Variants in ST6GAL1 observed in about 807,000 individuals in gnomAD.
The protein encoded by ST6GAL1 is ST6 beta-galactoside alpha-2,6-sialyltransferase 1.
A neutral mutation model predicts 38.0 loss-of-function variants in ST6GAL1; 20 were observed. The observed-to-expected ratio is 0.53, with a 90% CI of 0.37 to 0.77. The LOEUF is 0.77. Ranked by LOEUF, ST6GAL1 falls within the 30% of genes least tolerant of loss-of-function variation. The probability of loss-of-function intolerance (pLI) is 0.00; values close to 1 mark genes in which losing one functional copy is unlikely to be tolerated. For missense variants in ST6GAL1, 432 were observed against 496.4 expected (o/e 0.87, Z 1.23); for synonymous variants, 196 against 188.2 (o/e 1.04, Z -0.34).
At chr3:186,967,335 G>GCA (rs1715175453) in intron 2 of ST6GAL1, among the ~76,000 whole-genome samples, 1 of 152,168 alleles carries the variant, frequency 6.6e-6, no homozygotes, top group Non-Finnish European at 1.5e-5. Flanking sequence ...GAGATTACAG[G>GCA]CGCCTGCCAC....
intron 2 of ST6GAL1, among the ~76,000 whole-genome samples, chr3:187,035,372 T>C (rs569493424): frequency 2.6e-5 from 4 of 152,332 alleles, no homozygotes; most frequent in Admixed American, 2.6e-4. Context: ...AAACTACCAA[T>C]GTCATTTTTC....
At chr3:187,058,174 G>T (rs941330588) in intron 5 of ST6GAL1, among the ~76,000 whole-genome samples, 8 of 152,162 alleles carry the variant, frequency 5.3e-5, no homozygotes, top group African/African-American at 1.9e-4. Flanking sequence ...GGGCGGGAGT[G>T]TCCCATTTTT....
At position 187,042,684 on chromosome 3, in the gene ST6GAL1, TC is replaced by T. The variant is rs770195115; in HGVS notation, c.-17del. 6.3e-7 allele frequency: 1 copy of T among 1,589,262 alleles called. No homozygotes were observed. The highest frequency in any genetic ancestry group is 1.4e-5 in the African/African-American group (1 of 73,994). On this transcript the variant is annotated 5_prime_UTR_variant, in exon 4 of 8. Transcript: ENST00000169298. ...TTTTCCTGCTCAGAACAAAGTGACT[TC>T]CCTGAACACATCTTCATTATGATTC... is the stretch of plus-strand genomic sequence containing the variant.
In ST6GAL1 at chr3:186,990,858, C is replaced by T. The variant is rs188703254; in HGVS notation, c.-183+26932C>T. 5.5e-3 allele frequency among the ~76,000 whole-genome samples: 842 copies of T among 152,018 alleles called. 7 individuals carry two copies. The highest frequency in any genetic ancestry group is 7.5e-3 in the Non-Finnish European group (512 of 67,972). On this transcript the variant is annotated intron_variant, in intron 2 of 7. Transcript: ENST00000169298. The stretch of plus-strand genomic sequence containing the variant: ...GATATAAACCAGCTTCTGGCATTAC[C>T]CAGGAGCAGCTGACCTAGATGCTTG...
At chr3:186,945,052 C>T (rs1183624583) in intron 1 of ST6GAL1, among the ~76,000 whole-genome samples, 2 of 152,166 alleles carry the variant, frequency 1.3e-5, no homozygotes, top group Non-Finnish European at 2.9e-5. Context: ...GGTGAGGTGG[C>T]TCATGCCTAA....
chr3:187,065,517 T>C (rs938125972), intron 5 of ST6GAL1, among the ~76,000 whole-genome samples: 1 of 152,070 alleles, frequency 6.6e-6, no homozygotes, highest in Non-Finnish European at 1.5e-5. Flanking sequence ...ACAGGAAAAA[T>C]GATATATGTA....
At chr3:186,948,290 G>C (rs1026726708) in intron 1 of ST6GAL1, among the ~76,000 whole-genome samples, 1 of 152,200 alleles carries the variant, frequency 6.6e-6, no homozygotes, top group Non-Finnish European at 1.5e-5. Context: ...GGAAGGATAG[G>C]GTTGTCAGGG....
chr3:186,941,263 G>C (rs571968830), intron 1 of ST6GAL1, among the ~76,000 whole-genome samples: 4 of 152,292 alleles, frequency 2.6e-5, no homozygotes, highest in Admixed American at 1.3e-4. Context: ...GGAGGAGAGA[G>C]AACTGAAGAA....
At chr3:187,074,394 T>C in intron 7 of ST6GAL1, 61 bp downstream of exon 7, 4 of 1,458,810 alleles carry the variant, frequency 2.7e-6, no homozygotes, top group East Asian at 2.5e-5. Context: ...GAGCTTTTTT[T>C]CTGGGGTCTC....
At chr3:187,065,820 C>A (rs138915500) in intron 5 of ST6GAL1, among the ~76,000 whole-genome samples, 1 of 152,238 alleles carries the variant, frequency 6.6e-6, no homozygotes, top group East Asian at 1.9e-4. Context: ...ATTATATATA[C>A]CATCTAAGGG....
chr3:186,991,809 A>C (rs1716178654), intron 2 of ST6GAL1, among the ~76,000 whole-genome samples: 1 of 152,120 alleles, frequency 6.6e-6, no homozygotes, highest in African/African-American at 2.4e-5. Flanking sequence ...GTGGGCAGGA[A>C]TAAGTTCCAC....
chr3:186,993,151 A>G (rs559012971), intron 2 of ST6GAL1, among the ~76,000 whole-genome samples: 32 of 152,246 alleles, frequency 2.1e-4, no homozygotes, highest in African/African-American at 7.7e-4. Context: ...CTTTGCAGGT[A>G]CTCGATAAAC....
chr3:187,059,299 C>T (rs770391252), intron 5 of ST6GAL1, among the ~76,000 whole-genome samples: 4 of 152,160 alleles, frequency 2.6e-5, no homozygotes, highest in Non-Finnish European at 5.9e-5. Context: ...GAGGCTGGAC[C>T]TTCATGGCTG....
chr3:187,072,313 C>T (rs1468005948), intron 5 of ST6GAL1: 1 of 159,754 alleles, frequency 6.3e-6, no homozygotes, highest in Non-Finnish European at 1.4e-5. Context: ...GGTGCTCAAC[C>T]ACAAGCACAG....
intron 2 of ST6GAL1, among the ~76,000 whole-genome samples, chr3:186,994,293 C>CAGCTT (rs1486997935): frequency 2.6e-5 from 4 of 152,166 alleles, no homozygotes; most frequent in African/African-American, 9.7e-5. Context: ...GTAGGGTGAG[C>CAGCTT]AGCTTGTTGG....
At chr3:187,019,526 A>G (rs1432249739) in intron 2 of ST6GAL1, among the ~76,000 whole-genome samples, 2 of 152,222 alleles carry the variant, frequency 1.3e-5, no homozygotes, top group Non-Finnish European at 2.9e-5. Flanking sequence ...CTCTCTGGAC[A>G]GTAATTTACA....
intron 2 of ST6GAL1, among the ~76,000 whole-genome samples, chr3:186,966,576 T>A (rs6778436): frequency 0.065 from 9,879 of 152,278 alleles, 689 homozygotes; most frequent in African/African-American, 0.18. Flanking sequence ...TATCATTCCA[T>A]CTCGGAAGCT....
chr3:187,067,081 C>CTTTTTTTTTTTTTTTTTTTTTTTTTT (rs763013682), intron 5 of ST6GAL1, among the ~76,000 whole-genome samples: 4 of 93,036 alleles, frequency 4.3e-5, no homozygotes, highest in Non-Finnish European at 6.2e-5. Flanking sequence ...TTCTTTCTTT[C>CTTTTTTTTTTTTTTTTTTTTTTTTTT]TTTTTTTTTT....
In ST6GAL1 at chr3:187,072,962, G is replaced by A. The variant is rs370229759; in HGVS notation, c.804+15G>A. ...ATATCCCAAAGGTAAGTGGGTGTCC[G>A]TGGGAAATAGGGGTTGAGTTTCCTG... On this transcript the variant is annotated intron_variant, in intron 6 of 7. Coordinates refer to ENST00000169298, the MANE Select transcript of ST6GAL1 (RefSeq NM_173216.2). The A allele has an allele frequency of 1.5e-5, 24 of 1,588,300 alleles. No homozygotes were observed. Among genetic ancestry groups the A allele is most frequent in the Middle Eastern group, 1.7e-4 (1 of 6,016 alleles).
Sources: allele counts gnomAD v4.1 joint callset (sites outside exome capture counted in the v4.1 genomes callset), GRCh38; gene constraint gnomAD v4.1.1; transcripts MANE v1.5; gene names NCBI Gene and HGNC (gene_info 2026-07-23, HGNC 2026-07-21).